Variants in STX11 observed in about 807,000 individuals in gnomAD.
STX11 encodes the protein syntaxin 11.
In STX11, 21 loss-of-function variants were observed where a neutral mutation model predicts 19.9. The ratio of observed to expected loss-of-function variants is 1.06; its 90% CI spans 0.75 to 1.52. The LOEUF (loss-of-function observed/expected upper bound fraction) is 1.52, where lower values mean the gene tolerates loss of function less well. Among genes scored for constraint, STX11 ranks in the 40% most tolerant of loss-of-function variants. The pLI is 0.00. For missense variants in STX11, 438 were observed against 405.9 expected (o/e 1.08, Z -0.68); for synonymous variants, 193 against 174.4 (o/e 1.11, Z -0.84).
At position 144,172,477 on chromosome 6, in the gene STX11, T is replaced by C. The variant is rs1359942116; in HGVS notation, c.-5-14146T>C. On this transcript the variant is annotated intron_variant, in intron 1 of 1. Transcript: ENST00000367568. The surrounding 1 kb of genome is among the most constrained non-coding windows in gnomAD (Gnocchi z 4.2). ...GCTTGCTCCATGTTTCCTCCCATCC[T>C]CTTGGTCAAAGCAAGTCTCATGGCC... Among the ~76,000 whole-genome samples, 1 of 152,168 alleles carries C rather than the reference T, an allele frequency of 6.6e-6. No homozygotes were observed. Among genetic ancestry groups the C allele is most frequent in the Non-Finnish European group, 1.5e-5 (1 of 68,034 alleles).
rs1002899319 is a variant in STX11 at position 144,172,408 on chromosome 6, C to T, written c.-5-14215C>T. On this transcript the variant is annotated intron_variant, in intron 1 of 1. Coordinates refer to ENST00000367568, the MANE Select transcript of STX11 (RefSeq NM_003764.4). This position sits in a 1 kb window ranked among gnomAD's most constrained non-coding sequence, Gnocchi z 4.2. The stretch of plus-strand genomic sequence containing the variant: ...TTCTCACATAATGGTTTCAGTGTTC[C>T]CAGAGCAGATAAGCCCCAAGGTGCT... Among the ~76,000 whole-genome samples, 1 of 152,102 alleles carries T rather than the reference C, an allele frequency of 6.6e-6. No homozygotes were observed. Among genetic ancestry groups the T allele is most frequent in the Non-Finnish European group, 1.5e-5 (1 of 68,004 alleles).
At chr6:144,141,632 T>C in the STX11 span, among the ~76,000 whole-genome samples, 1 of 151,744 alleles carries the variant, frequency 6.6e-6, no homozygotes, top group African/African-American at 2.4e-5. Flanking sequence ...TCATTTACTT[T>C]GGAAAGTCAT....
At chr6:144,178,297 A>G (rs1293528888) in intron 1 of STX11, among the ~76,000 whole-genome samples, 1 of 152,232 alleles carries the variant, frequency 6.6e-6, no homozygotes, top group African/African-American at 2.4e-5. Flanking sequence ...ATACCTCATA[A>G]GGAATAAATG....
At position 144,160,876 on chromosome 6, in the gene STX11, A is replaced by G. The variant is rs1208040005; in HGVS notation, c.-6+10173A>G. Among the ~76,000 whole-genome samples the G allele has an allele frequency of 6.6e-6, 1 of 152,096 alleles. No homozygotes were observed. The highest frequency in any genetic ancestry group is 1.5e-5 in the Non-Finnish European group (1 of 68,022). ...GGATGTGTGAGGTCCTGTGATGACG[A>G]CCATTTGCCATGTATTTTCATATCT... On this transcript the variant is annotated intron_variant, in intron 1 of 1. Transcript: ENST00000367568. This position sits in a 1 kb window ranked among gnomAD's most constrained non-coding sequence, Gnocchi z 4.3.
In STX11 at chr6:144,155,834, C is replaced by T. The variant is rs1484779165; in HGVS notation, c.-6+5131C>T. 6.6e-6 allele frequency among the ~76,000 whole-genome samples: 1 copy of T among 152,110 alleles called. No homozygotes were observed. The highest frequency in any genetic ancestry group is 6.5e-5 in the Admixed American group (1 of 15,278). Reference sequence around the variant, plus strand: ...ATTATCTGTGTATTTCATTCAACTTCTTTGTAAGGCTCAGTAATTGGGTAA... The same window carrying T: ...ATTATCTGTGTATTTCATTCAACTTTTTTGTAAGGCTCAGTAATTGGGTAA... On this transcript the variant is annotated intron_variant, in intron 1 of 1. Coordinates refer to ENST00000367568, the MANE Select transcript of STX11 (RefSeq NM_003764.4). This position sits in a 1 kb window ranked among gnomAD's most constrained non-coding sequence, Gnocchi z 4.5.
At position 144,162,096 on chromosome 6, in the gene STX11, G is replaced by A. The variant is rs1051984697; in HGVS notation, c.-6+11393G>A. 1.3e-5 allele frequency among the ~76,000 whole-genome samples: 2 copies of A among 152,144 alleles called. No individual in the cohort carries two copies. The highest frequency in any genetic ancestry group is 4.8e-5 in the African/African-American group (2 of 41,428). On this transcript the variant is annotated intron_variant, in intron 1 of 1. Transcript: ENST00000367568. The surrounding 1 kb of genome is among the most constrained non-coding windows in gnomAD (Gnocchi z 4.6). ...TAGATTCTCTTTTACCCTGTTCAGA[G>A]TCTAATCTGTCATCTGTCTACTCTT...
At chr6:144,186,541 T>G (rs964932530) in intron 1 of STX11, 82 bp from the exon 2 acceptor site, 67 of 1,587,790 alleles carry the variant, frequency 4.2e-5, no homozygotes, top group Non-Finnish European at 5.6e-5. Flanking sequence ...GACTGCTGAG[T>G]AAAATGTTTA....
the STX11 span, among the ~76,000 whole-genome samples, chr6:144,141,190 A>G: frequency 1.3e-5 from 2 of 152,228 alleles, no homozygotes; most frequent in Non-Finnish European, 2.9e-5. Flanking sequence ...TATTAAGTGG[A>G]TCAACTAGAT....
At chr6:144,140,206 T>TCA in the STX11 span, among the ~76,000 whole-genome samples, 1 of 73,944 alleles carries the variant, frequency 1.4e-5, no homozygotes, top group Non-Finnish European at 2.9e-5. Context: ...TTTGGTCAAT[T>TCA]CACATATATA....
rs867688248 is a variant in STX11, at chr6:144,155,956, T to A, written c.-6+5253T>A. Among the ~76,000 whole-genome samples, 13,824 of 84,936 alleles carry A rather than the reference T, an allele frequency of 0.16. 1,086 individuals are homozygous for A. The highest frequency in any genetic ancestry group is 0.22 in the East Asian group (532 of 2,366). The allele number at this position is 84,936 out of a possible 152,430, so 55.7% of individuals were successfully genotyped here. A position where few individuals can be genotyped will look rare whatever the true frequency, so the allele number is the denominator to read the frequency against. Reference sequence around the variant, plus strand: ...TAAAATTTAATCTTTCTTTCTTTCTTTCTTTCTTTCTTTCTTTCTTTCTTT... The same window carrying A: ...TAAAATTTAATCTTTCTTTCTTTCTATCTTTCTTTCTTTCTTTCTTTCTTT... On this transcript the variant is annotated intron_variant, in intron 1 of 1. Transcript: ENST00000367568. The surrounding 1 kb of genome is among the most constrained non-coding windows in gnomAD (Gnocchi z 4.5).
At chr6:144,168,789 T>C (rs1245654168) in intron 1 of STX11, among the ~76,000 whole-genome samples, 1 of 152,246 alleles carries the variant, frequency 6.6e-6, no homozygotes, top group Non-Finnish European at 1.5e-5. Context: ...CTCTCTTCAC[T>C]GCTGCTAGCA....
At chr6:144,181,111 T>C (rs1296650189) in intron 1 of STX11, among the ~76,000 whole-genome samples, 1 of 152,238 alleles carries the variant, frequency 6.6e-6, no homozygotes, top group Admixed American at 6.5e-5. Context: ...AGTTTTCAGC[T>C]GACTTTCTTA....
chr6:144,179,019 G>T (rs1322996178), intron 1 of STX11, among the ~76,000 whole-genome samples: 1 of 152,170 alleles, frequency 6.6e-6, no homozygotes, highest in Admixed American at 6.6e-5. Flanking sequence ...AAAGAAAGAG[G>T]TTTAATGGAC....
At chr6:144,140,206 TCA>T in the STX11 span, among the ~76,000 whole-genome samples, 2 of 73,946 alleles carry the variant, frequency 2.7e-5, no homozygotes, top group Non-Finnish European at 5.7e-5. Context: ...TTTGGTCAAT[TCA>T]CATATATATA....
intron 1 of STX11, among the ~76,000 whole-genome samples, chr6:144,157,980 A>C (rs551258220): frequency 1.0e-3 from 155 of 151,640 alleles, no homozygotes; most frequent in African/African-American, 3.4e-3. Context: ...CAAAAAAAAA[A>C]CAGGGGAAAA....
rs1394057635 is a variant in STX11, at chr6:144,188,118, G to A, written c.*627G>A. The A allele has an allele frequency of 4.2e-6, 1 of 240,602 alleles. No individual in the cohort carries two copies. Among genetic ancestry groups the A allele is most frequent in the East Asian group, 6.5e-5 (1 of 15,390 alleles). The allele number at this position is 240,602 out of a possible 1,614,324, so 14.9% of individuals were successfully genotyped here. ...TTCACTTTTTAAATATCTTTCACCA[G>A]GTTATATTTTGGTATTATTTTTCCA... On this transcript the variant is annotated 3_prime_UTR_variant, in exon 2 of 2. Transcript: ENST00000367568.
At chr6:144,185,359 C>A (rs753683721) in intron 1 of STX11, among the ~76,000 whole-genome samples, 1 of 152,194 alleles carries the variant, frequency 6.6e-6, no homozygotes, top group Non-Finnish European at 1.5e-5. Flanking sequence ...AGTGTTACTA[C>A]TTTTCCCCTC....
chr6:144,142,411 T>A, the STX11 span, among the ~76,000 whole-genome samples: 1 of 152,198 alleles, frequency 6.6e-6, no homozygotes, highest in Non-Finnish European at 1.5e-5. Flanking sequence ...TTTCATCACA[T>A]ATCTAGAAGT....
rs953787233 is a variant in STX11, at chr6:144,190,690, G to A, written c.*3199G>A. 6.6e-6 allele frequency among the ~76,000 whole-genome samples: 1 copy of A among 151,920 alleles called. No homozygotes were observed. Among genetic ancestry groups the A allele is most frequent in the Non-Finnish European group, 1.5e-5 (1 of 68,002 alleles). On this transcript the variant is annotated 3_prime_UTR_variant, in exon 2 of 2. Transcript: ENST00000367568. ...AAATGAGATGTTCCACCAAAAACAC[G>A]TAAGCAGGAAGCAGCTGTTCTGCTC...
Sources: gnomAD v4.1 joint callset for allele counts (sites outside exome capture counted in the v4.1 genomes callset) on GRCh38, gnomAD v4.1.1 for gene constraint, Gnocchi (gnomAD v3.1) non-coding constraint, MANE v1.5 for transcripts, NCBI Gene and HGNC (gene_info 2026-07-23, HGNC 2026-07-21) for gene names.